Variants in SOD3 observed in about 807,000 individuals in gnomAD.
SOD3 encodes superoxide dismutase 3.
In SOD3, 3 loss-of-function variants were observed where a neutral mutation model predicts 2.6. The observed-to-expected ratio is 1.13, with a 90% confidence interval of 0.52 to 2.93. SOD3 has a LOEUF of 2.93. Ranked by LOEUF, SOD3 falls within the 30% of genes most tolerant of loss-of-function variation. The pLI is 0.04. For synonymous variants in SOD3, 188 were observed against 177.5 expected (o/e 1.06, Z -0.47); for missense variants, 379 against 370.4 (o/e 1.02, Z -0.19).
At position 24,800,184 on chromosome 4, in the gene SOD3, G is replaced by C; in HGVS notation, c.663G>C (p.Gln221His). Residue 221 changes from glutamine (Q) to histidine (H), a missense_variant, in exon 2 of 2, where the codon CAG becomes CAC. Coordinates refer to ENST00000382120, the MANE Select transcript of SOD3 (RefSeq NM_003102.4). ...GVCGPGLWER[Q>H]AREHSERKKR... ...GCGGGCCCGGGCTCTGGGAGCGCCA[G>C]GCGCGGGAGCACTCAGAGCGCAAGA... is the stretch of plus-strand genomic sequence containing the variant. 7.0e-7 allele frequency: 1 copy of C among 1,426,136 alleles called. No individual in the cohort carries two copies. Among genetic ancestry groups the C allele is most frequent in the East Asian group, 3.1e-5 (1 of 32,704 alleles). 88.3% of individuals were successfully genotyped at this position (1,426,136 alleles called of 1,614,324 possible).
intron 1 of SOD3, among the ~76,000 whole-genome samples, chr4:24,798,184 A>G (rs1713726866): frequency 6.6e-6 from 1 of 152,026 alleles, no homozygotes; most frequent in South Asian, 2.1e-4. Context: ...TGTGCAGTCA[A>G]CACTGAGAAC....
At position 24,800,375 on chromosome 4, in the gene SOD3, C is replaced by T; in HGVS notation, c.*131C>T. On this transcript the variant is annotated 3_prime_UTR_variant, in exon 2 of 2. Transcript: ENST00000382120. ...GCCTTTGCTGAAGTCTCCCCGCAGC[C>T]CTCTCCACCCAGAGGTCTCCCTATA... 1 of 979,948 alleles carries T rather than the reference C, an allele frequency of 1.0e-6. No individual in the cohort carries two copies. The highest frequency in any genetic ancestry group is 1.4e-6 in the Non-Finnish European group (1 of 731,560). 60.7% of individuals were successfully genotyped at this position (979,948 alleles called of 1,614,324 possible). A position where few individuals can be genotyped will look rare whatever the true frequency, so the allele number is the denominator to read the frequency against.
chr4:24,797,444 C>A (rs1420478420), intron 1 of SOD3, among the ~76,000 whole-genome samples: 1 of 152,196 alleles, frequency 6.6e-6, no homozygotes, highest in Non-Finnish European at 1.5e-5. Flanking sequence ...AACCCACGCA[C>A]AGTACTTATA....
Position 24,800,442 on chromosome 4 carries a change from C to T in SOD3, c.*198C>T, listed in dbSNP as rs1455608924. On this transcript the variant is annotated 3_prime_UTR_variant, in exon 2 of 2. Transcript: ENST00000382120. ...TTCCATCCTGAGGACCGCCCCAACC[C>T]TCGGAGCCCCCCACTCAGTAGGTCT... 2.2e-6 allele frequency: 1 copy of T among 452,982 alleles called. No individual in the cohort carries two copies. Among genetic ancestry groups the T allele is most frequent in the Non-Finnish European group, 3.8e-6 (1 of 264,022 alleles). The allele number at this position is 452,982 out of a possible 1,614,324, so 28.1% of individuals were successfully genotyped here. A position where few individuals can be genotyped will look rare whatever the true frequency, so the allele number is the denominator to read the frequency against.
chr4:24,795,723 A>C (rs911050272), intron 1 of SOD3, 72 bp downstream of exon 1: 9 of 152,388 alleles, frequency 5.9e-5, no homozygotes, highest in Non-Finnish European at 1.0e-4. Context: ...GGGTTGGGGC[A>C]ACGGGCCTCT....
intron 1 of SOD3, among the ~76,000 whole-genome samples, chr4:24,798,430 G>A (rs907700524): frequency 2.6e-5 from 4 of 152,026 alleles, no homozygotes; most frequent in Admixed American, 6.6e-5. Flanking sequence ...AGTGCTGCCC[G>A]GTGTGTCTCT....
In SOD3 at chr4:24,799,510, C is replaced by G. The variant is rs1713765813; in HGVS notation, c.-12C>G. ...CTCCGCGGGGGCGTCCCGCAGGTGC[C>G]CGACTCCAGCCATGCTGGCGCTACT... On this transcript the variant is annotated 5_prime_UTR_variant, in exon 2 of 2. Coordinates refer to ENST00000382120, the MANE Select transcript of SOD3 (RefSeq NM_003102.4). 1 of 1,597,082 alleles carries G rather than the reference C, an allele frequency of 6.3e-7. No homozygotes were observed. The highest frequency in any genetic ancestry group is 8.5e-7 in the Non-Finnish European group (1 of 1,178,640).
At chr4:24,796,645 G>C (rs1473499353) in intron 1 of SOD3, among the ~76,000 whole-genome samples, 1 of 133,202 alleles carries the variant, frequency 7.5e-6, no homozygotes, top group Non-Finnish European at 1.6e-5. Context: ...TTTTTTGCTA[G>C]AGATGGGGGT....
chr4:24,796,417 C>T (rs1160417644), intron 1 of SOD3, among the ~76,000 whole-genome samples: 1 of 148,594 alleles, frequency 6.7e-6, no homozygotes, highest in Non-Finnish European at 1.5e-5. Flanking sequence ...CCCTTTTCCT[C>T]CTCCTCCTCC....
At position 24,800,058 on chromosome 4, in the gene SOD3, C is replaced by A; in HGVS notation, c.537C>A (p.Val179=). 2 of 1,458,196 alleles carry A rather than the reference C, an allele frequency of 1.4e-6. No homozygotes were observed. Among genetic ancestry groups the A allele is most frequent in the South Asian group, 1.4e-5 (1 of 73,338 alleles). The allele number at this position is 1,458,196 out of a possible 1,614,324, so 90.3% of individuals were successfully genotyped here. A position where few individuals can be genotyped will look rare whatever the true frequency, so the allele number is the denominator to read the frequency against. ...ACTCCATCGTGGGCCGGGCCGTGGT[C>A]GTCCACGCTGGCGAGGACGACCTGG... ...GPHSIVGRAV[V]VHAGEDDLGR... The change falls in exon 2 of 2, where the codon GTC becomes GTA. Residue 179 remains valine, a synonymous_variant. Coordinates refer to ENST00000382120, the MANE Select transcript of SOD3 (RefSeq NM_003102.4).
intron 1 of SOD3, among the ~76,000 whole-genome samples, chr4:24,798,632 T>C (rs1246400328): frequency 6.6e-6 from 1 of 152,144 alleles, no homozygotes; most frequent in African/African-American, 2.4e-5. Flanking sequence ...CTTTTACCAG[T>C]AGGACTTAAG....
chr4:24,795,820 C>T (rs17880193), intron 1 of SOD3, among the ~76,000 whole-genome samples, 169 bp downstream of exon 1: 379 of 151,730 alleles, frequency 2.5e-3, no homozygotes, highest in African/African-American at 8.3e-3. Context: ...GTGGAGTGAG[C>T]GGGGAGGAAG....
At position 24,800,273 on chromosome 4, in the gene SOD3, G is replaced by T; in HGVS notation, c.*29G>T. The T allele has an allele frequency of 7.3e-7, 1 of 1,376,628 alleles. No homozygotes were observed. The highest frequency in any genetic ancestry group is 9.4e-7 in the Non-Finnish European group (1 of 1,068,012). The allele number at this position is 1,376,628 out of a possible 1,614,324, so 85.3% of individuals were successfully genotyped here. A position where few individuals can be genotyped will look rare whatever the true frequency, so the allele number is the denominator to read the frequency against. On this transcript the variant is annotated 3_prime_UTR_variant, in exon 2 of 2. Coordinates refer to ENST00000382120, the MANE Select transcript of SOD3 (RefSeq NM_003102.4). The stretch of plus-strand genomic sequence containing the variant: ...CGGCCCCCACCCGGCGGCGGCCAGG[G>T]ACCCCCGAGGCCCCCCTCTGCCTTT...
chr4:24,795,912 T>A (rs190007547), intron 1 of SOD3, among the ~76,000 whole-genome samples: 1 of 152,150 alleles, frequency 6.6e-6, no homozygotes, highest in Admixed American at 6.5e-5. Context: ...GGAAAAGGAA[T>A]CTGGAGTGAC....
In SOD3 at chr4:24,799,892, G is replaced by A; in HGVS notation, c.371G>A (p.Gly124Asp). ...HVHQFGDLSQ[G>D]CESTGPHYNP... ...CACCAGTTCGGGGACCTGAGCCAGG[G>A]CTGCGAGTCCACCGGGCCCCACTAC... The change falls in exon 2 of 2, where the codon GGC (glycine) becomes GAC (aspartate). Residue 124 changes from glycine to aspartate, a missense_variant. Gly to Asp is a moderately conservative substitution (Grantham distance 94). Transcript: ENST00000382120. 1 of 1,601,714 alleles carries A rather than the reference G, an allele frequency of 6.2e-7. No individual in the cohort carries two copies. Among genetic ancestry groups the A allele is most frequent in the South Asian group, 1.1e-5 (1 of 90,816 alleles).
At chr4:24,799,483 AC>A (rs748207083) in intron 1 of SOD3, 22 bp from the exon 2 acceptor site, 1 of 1,590,272 alleles carries the variant, frequency 6.3e-7, no homozygotes, top group South Asian at 1.1e-5. Flanking sequence ...CTCTGCCCCC[AC>A]CTCCGCGGGG....
At chr4:24,798,027 G>T (rs1482107106) in intron 1 of SOD3, among the ~76,000 whole-genome samples, 2 of 152,116 alleles carry the variant, frequency 1.3e-5, no homozygotes, top group South Asian at 4.2e-4. Context: ...TTTGATAGAG[G>T]TGTCTTCTTT....
chr4:24,800,182 C>G lies in SOD3; in HGVS notation c.661C>G (p.Gln221Glu), dbSNP rs749915692. Residue 221 changes from glutamine to glutamate, a missense_variant, in exon 2 of 2, where the codon CAG becomes GAG. Physicochemically the swap from Gln to Glu is conservative, Grantham distance 29. Transcript: ENST00000382120. The stretch of plus-strand genomic sequence containing the variant: ...GTGCGGGCCCGGGCTCTGGGAGCGC[C>G]AGGCGCGGGAGCACTCAGAGCGCAA... ...GVCGPGLWER[Q>E]AREHSERKKR... is the part of the protein sequence containing the mutation. The G allele has an allele frequency of 8.4e-5, 120 of 1,423,756 alleles. No individual in the cohort carries two copies. The highest frequency in any genetic ancestry group is 9.9e-5 in the Non-Finnish European group (109 of 1,096,534). 88.2% of individuals were successfully genotyped at this position (1,423,756 alleles called of 1,614,324 possible).
Position 24,799,635 on chromosome 4 carries a change from G to A in SOD3, c.114G>A (p.Met38Ile). The A allele has an allele frequency of 6.2e-7, 1 of 1,605,044 alleles. No homozygotes were observed. Among genetic ancestry groups the A allele is most frequent in the African/African-American group, 1.3e-5 (1 of 74,972 alleles). The change falls in exon 2 of 2, where the codon ATG (methionine) becomes ATA (isoleucine). Residue 38 changes from methionine (M) to isoleucine (I), a missense_variant. Physicochemically the swap from Met to Ile is conservative, Grantham distance 10. Transcript: ENST00000382120. ...ACTCGGCGGAGTGGATCCGAGACAT[G>A]TACGCCAAGGTCACGGAGATCTGGC... is the stretch of plus-strand genomic sequence containing the variant. ...NSDSAEWIRD[M>I]YAKVTEIWQE...
Sources: gnomAD v4.1 joint callset for allele counts (sites outside exome capture counted in the v4.1 genomes callset) on GRCh38, gnomAD v4.1.1 for gene constraint, MANE v1.5 for transcripts, NCBI Gene and HGNC (gene_info 2026-07-23, HGNC 2026-07-21) for gene names.